The following PLXNA4 variants were observed in gnomAD, a reference collection of about 807,000 sequenced individuals.
PLXNA4 encodes the protein plexin A4, also known as plexin-A4.
Under a neutral mutation model 191.8 loss-of-function variants are expected in PLXNA4, and 44 were observed. The ratio of observed to expected loss-of-function variants is 0.23; its 90% confidence interval spans 0.18 to 0.29. The LOEUF (loss-of-function observed/expected upper bound fraction) is 0.29, where lower values mean the gene tolerates loss of function less well. Among genes scored for constraint, PLXNA4 ranks in the 10% least tolerant of loss-of-function variants. PLXNA4 has a pLI of 1.00. For synonymous variants in PLXNA4, 1,082 were observed against 1,009.5 expected (o/e 1.07, Z -1.36); for missense variants, 1,800 against 2,488.8 (o/e 0.72, Z 5.89).
At chr7:132,327,305 G>A (rs912910557) in intron 3 of PLXNA4, among the ~76,000 whole-genome samples, 1 of 152,242 alleles carries the variant, frequency 6.6e-6, no homozygotes, top group East Asian at 1.9e-4. Context: ...ATTTCCAGGG[G>A]TAGGTTGCAA....
chr7:132,234,086 G>A (rs1798613451), intron 5 of PLXNA4, among the ~76,000 whole-genome samples: 1 of 152,182 alleles, frequency 6.6e-6, no homozygotes, highest in Admixed American at 6.5e-5. Context: ...GGAGTGGAGG[G>A]AGGGAGAGGG....
At chr7:132,432,058 G>C (rs749790067) in intron 3 of PLXNA4, among the ~76,000 whole-genome samples, 2 of 152,090 alleles carry the variant, frequency 1.3e-5, no homozygotes, top group African/African-American at 2.4e-5. Context: ...TGGCTCCTCT[G>C]TCTTCCTTTG....
intron 3 of PLXNA4, among the ~76,000 whole-genome samples, chr7:132,396,005 C>T (rs1793740023): frequency 6.6e-6 from 1 of 152,186 alleles, no homozygotes. Flanking sequence ...GTCCTTTAAG[C>T]CTCACTGGAG....
intron 3 of PLXNA4, among the ~76,000 whole-genome samples, chr7:132,448,832 C>T (rs1270877362): frequency 6.6e-6 from 1 of 152,160 alleles, no homozygotes; most frequent in African/African-American, 2.4e-5. Flanking sequence ...TTATACATAG[C>T]CCAGTTCTAG....
intron 3 of PLXNA4, among the ~76,000 whole-genome samples, chr7:132,424,257 C>T (rs367969607): frequency 1.3e-5 from 2 of 152,296 alleles, no homozygotes; most frequent in South Asian, 2.1e-4. Flanking sequence ...GGTCTGCCCC[C>T]CGCTCCCTGG....
chr7:132,207,568 G>A lies in PLXNA4; in HGVS notation c.2298+3375C>T, dbSNP rs543583880. Among the ~76,000 whole-genome samples, 28 of 152,336 alleles carry A rather than the reference G, an allele frequency of 1.8e-4. No individual in the cohort carries two copies. The South Asian group carries it at 5.6e-3, about 30-fold the overall frequency. Reference sequence around the variant, plus strand: ...CTCCCACCAGCTCCTGGGGGCTGCAGCCATTGGCTCAAGGCCTGTCCCCGC... The same window carrying A: ...CTCCCACCAGCTCCTGGGGGCTGCAACCATTGGCTCAAGGCCTGTCCCCGC... On this transcript the variant is annotated intron_variant, in intron 10 of 31. Coordinates refer to ENST00000321063, the MANE Select transcript of PLXNA4 (RefSeq NM_020911.2).
At chr7:132,309,489 T>G (rs147660579) in intron 3 of PLXNA4, among the ~76,000 whole-genome samples, 38 of 152,212 alleles carry the variant, frequency 2.5e-4, no homozygotes, top group African/African-American at 8.9e-4. Flanking sequence ...GGACAAGCCA[T>G]GTTCATCTCT....
chr7:132,241,691 A>G (rs1006651952), intron 4 of PLXNA4, among the ~76,000 whole-genome samples: 3 of 151,916 alleles, frequency 2.0e-5, no homozygotes, highest in Admixed American at 6.6e-5. Flanking sequence ...CCTCCTTGCC[A>G]TTTACCAAGA....
At position 132,134,616 on chromosome 7, in the gene PLXNA4, G is replaced by T. The variant is rs185380465; in HGVS notation, c.5439-1417C>A. Reference sequence around the variant, plus strand: ...GGGCTGGTCAGAGGGGACTCCCCTGGCCACATACCAGACACTTTCTCAACT... The same window carrying T: ...GGGCTGGTCAGAGGGGACTCCCCTGTCCACATACCAGACACTTTCTCAACT... On this transcript the variant is annotated intron_variant, in intron 30 of 31. Coordinates refer to ENST00000321063, the MANE Select transcript of PLXNA4 (RefSeq NM_020911.2). 2.4e-3 allele frequency among the ~76,000 whole-genome samples: 365 copies of T among 152,322 alleles called. 1 individual carries two copies. The highest frequency in any genetic ancestry group is 4.4e-3 in the Non-Finnish European group (301 of 68,028).
intron 3 of PLXNA4, among the ~76,000 whole-genome samples, chr7:132,309,782 C>G (rs1405393282): frequency 6.6e-6 from 1 of 152,170 alleles, no homozygotes; most frequent in Non-Finnish European, 1.5e-5. Flanking sequence ...CCAGGGACTC[C>G]TGTGTGAGCT....
At chr7:132,471,727 G>A (rs1023194864) in intron 3 of PLXNA4, among the ~76,000 whole-genome samples, 3 of 152,140 alleles carry the variant, frequency 2.0e-5, no homozygotes, top group Non-Finnish European at 4.4e-5. Flanking sequence ...AGTGGGAGGA[G>A]GAGGAGGGGC....
intron 3 of PLXNA4, among the ~76,000 whole-genome samples, chr7:132,305,262 C>G (rs1801467147): frequency 6.6e-6 from 1 of 152,046 alleles, no homozygotes; most frequent in Admixed American, 6.6e-5. Context: ...CACATGAGCA[C>G]TTAAGGACTG....
intron 9 of PLXNA4, among the ~76,000 whole-genome samples, chr7:132,214,205 G>A (rs1461267208): frequency 3.9e-5 from 6 of 152,146 alleles, no homozygotes; most frequent in Non-Finnish European, 7.3e-5. Flanking sequence ...CTCCGGAGCT[G>A]GGCTGGAACC....
chr7:132,360,870 T>C (rs1335505043), intron 3 of PLXNA4, among the ~76,000 whole-genome samples: 3 of 152,342 alleles, frequency 2.0e-5, no homozygotes, highest in Middle Eastern at 3.4e-3. Context: ...TGCATTCTGC[T>C]TGGAGATGGG....
chr7:132,162,951 G>A (rs1490815656), intron 24 of PLXNA4, among the ~76,000 whole-genome samples: 1 of 152,138 alleles, frequency 6.6e-6, no homozygotes, highest in Admixed American at 6.5e-5. Context: ...TGGAGGGGTT[G>A]TCTGAGAATC....
chr7:132,449,453 C>T (rs557652779), intron 3 of PLXNA4, among the ~76,000 whole-genome samples: 1 of 152,318 alleles, frequency 6.6e-6, no homozygotes, highest in Non-Finnish European at 1.5e-5. Flanking sequence ...GTTCTCCAAA[C>T]CCCCAACTCA....
Position 132,229,007 on chromosome 7 carries a change from G to T in PLXNA4, c.1605-538C>A, listed in dbSNP as rs1259052170. On this transcript the variant is annotated intron_variant, in intron 5 of 31. Coordinates refer to ENST00000321063, the MANE Select transcript of PLXNA4 (RefSeq NM_020911.2). ...AAGAGCTTCCTCCTATGATCTCATA[G>T]CACCTCGGAGTCTCCTACTTTAATA... Among the ~76,000 whole-genome samples, 4 of 152,132 alleles carry T rather than the reference G, an allele frequency of 2.6e-5. No individual in the cohort carries two copies. In the East Asian group the frequency reaches 7.7e-4, roughly 29 times the overall value.
chr7:132,448,677 G>T (rs902553686), intron 3 of PLXNA4, among the ~76,000 whole-genome samples: 25 of 152,196 alleles, frequency 1.6e-4, no homozygotes, highest in Admixed American at 2.0e-4. Context: ...TCTAAGGAAA[G>T]CAGTTATTGT....
intron 3 of PLXNA4, among the ~76,000 whole-genome samples, chr7:132,458,038 C>T (rs2117340482): frequency 6.6e-6 from 1 of 152,288 alleles, no homozygotes; most frequent in East Asian, 1.9e-4. Flanking sequence ...TAATTTGTTA[C>T]AGCAGCCATA....
Sources: allele counts gnomAD v4.1 joint callset (sites outside exome capture counted in the v4.1 genomes callset), GRCh38; gene constraint gnomAD v4.1.1; transcripts MANE v1.5; gene names NCBI Gene and HGNC (gene_info 2026-07-23, HGNC 2026-07-21).